Variants in NECTIN1 observed in about 807,000 individuals in gnomAD.
NECTIN1 encodes nectin-1.
A neutral mutation model predicts 48.0 loss-of-function variants in NECTIN1; 23 were observed. That is an observed-to-expected ratio of 0.48 (90% CI 0.34 to 0.68). The LOEUF is 0.68. Ranked by LOEUF, NECTIN1 falls within the 30% of genes least tolerant of loss-of-function variation. NECTIN1 has a pLI of 0.01. For missense variants in NECTIN1, 591 were observed against 709.9 expected (o/e 0.83, Z 1.90); for synonymous variants, 270 against 288.9 (o/e 0.93, Z 0.66).
chr11:119,662,574 G>T lies in NECTIN1; in HGVS notation c.*2173C>A. On this transcript the variant is annotated 3_prime_UTR_variant, in exon 6 of 6. Transcript: ENST00000264025. This position sits in a 1 kb window ranked among gnomAD's most constrained non-coding sequence, Gnocchi z 5.3. Reference sequence around the variant, plus strand: ...GAGGGTGGCAGTGCAGGATAAAGGAGATGCAGGAGGAGACAGGGACAGGAA... The same window carrying T: ...GAGGGTGGCAGTGCAGGATAAAGGATATGCAGGAGGAGACAGGGACAGGAA... 2 of 985,770 alleles carry T rather than the reference G, an allele frequency of 2.0e-6. No homozygotes were observed. The highest frequency in any genetic ancestry group is 1.0e-3 in the Middle Eastern group (2 of 1,914). The allele number at this position is 985,770 out of a possible 1,614,324, so 61.1% of individuals were successfully genotyped here. A position where few individuals can be genotyped will look rare whatever the true frequency, so the allele number is the denominator to read the frequency against.
chr11:119,665,101 G>A lies in NECTIN1; in HGVS notation c.1200C>T (p.Tyr400=), dbSNP rs1374370748. ...STKKHVYGNG[Y]SKAGIPQHHP... is the part of the protein sequence containing the mutation. ...GGTGCTGGGGGATGCCTGCCTTGCT[G>A]TAGCCGTTGCCATACACGTGCTTCT... Residue 400 remains tyrosine (Y), a synonymous_variant, in exon 6 of 6, where the codon TAC becomes TAT. Transcript: ENST00000264025. The surrounding 1 kb of genome is among the most constrained non-coding windows in gnomAD (Gnocchi z 5.1). 2 of 1,614,070 alleles carry A rather than the reference G, an allele frequency of 1.2e-6. No homozygotes were observed. Among genetic ancestry groups the A allele is most frequent in the African/African-American group, 1.3e-5 (1 of 75,024 alleles).
At chr11:119,708,858 A>C (rs1201432450) in intron 1 of NECTIN1, among the ~76,000 whole-genome samples, 1 of 152,114 alleles carries the variant, frequency 6.6e-6, no homozygotes, top group Non-Finnish European at 1.5e-5. Flanking sequence ...AGGCTACCAG[A>C]AGACCTCTGC....
Position 119,677,072 on chromosome 11 carries a change from A to G in NECTIN1, c.851+30T>C, listed in dbSNP as rs1334567470. The G allele has an allele frequency of 6.3e-7, 1 of 1,585,348 alleles. No homozygotes were observed. Among genetic ancestry groups the G allele is most frequent in the Non-Finnish European group, 8.7e-7 (1 of 1,153,864 alleles). ...CCCGTGGTCCAGTCAGCTGTCTTCCAAGGTGACTGGTCAGCCCTGCAGCAC... is the reference window on the plus strand; with the variant it reads ...CCCGTGGTCCAGTCAGCTGTCTTCCGAGGTGACTGGTCAGCCCTGCAGCAC... On this transcript the variant is annotated intron_variant, in intron 4 of 5. Coordinates refer to ENST00000264025, the MANE Select transcript of NECTIN1 (RefSeq NM_002855.5). This position sits in a 1 kb window ranked among gnomAD's most constrained non-coding sequence, Gnocchi z 5.4.
rs1009809448 is a variant in NECTIN1 at position 119,677,463 on chromosome 11, C to T, written c.733+92G>A. On this transcript the variant is annotated intron_variant, in intron 3 of 5. Transcript: ENST00000264025. This position sits in a 1 kb window ranked among gnomAD's most constrained non-coding sequence, Gnocchi z 5.4. ...GACAGGAGGGGAGAAGAAAGCACCC[C>T]CAGAAAGAGAAAGGGAGGAGAAAGG... The T allele has an allele frequency of 2.8e-6, 4 of 1,446,828 alleles. No homozygotes were observed. Among genetic ancestry groups the T allele is most frequent in the Non-Finnish European group, 3.9e-6 (4 of 1,033,412 alleles). 89.6% of individuals were successfully genotyped at this position (1,446,828 alleles called of 1,614,324 possible).
chr11:119,662,099 A>C lies in NECTIN1; in HGVS notation c.*2648T>G. On this transcript the variant is annotated 3_prime_UTR_variant, in exon 6 of 6. Transcript: ENST00000264025. The surrounding 1 kb of genome is among the most constrained non-coding windows in gnomAD (Gnocchi z 5.3). ...GACAGGGAGGGCAACAAGAGGCAGG[A>C]TGACAACTGGGGAGGCCTTGGCACA... 1 of 985,542 alleles carries C rather than the reference A, an allele frequency of 1.0e-6. No homozygotes were observed. Among genetic ancestry groups the C allele is most frequent in the African/African-American group, 1.7e-5 (1 of 57,356 alleles). The allele number at this position is 985,542 out of a possible 1,614,324, so 61.0% of individuals were successfully genotyped here.
At chr11:119,651,473 T>C (rs1425334848) in intron 5 of NECTIN1, among the ~76,000 whole-genome samples, 1 of 152,140 alleles carries the variant, frequency 6.6e-6, no homozygotes, top group Non-Finnish European at 1.5e-5. Context: ...TTAAGTGGGC[T>C]GTCGGAGGAG....
chr11:119,685,706 C>T (rs931391071), intron 1 of NECTIN1, among the ~76,000 whole-genome samples: 1 of 152,212 alleles, frequency 6.6e-6, no homozygotes, highest in Non-Finnish European at 1.5e-5. Context: ...AACACAGAGC[C>T]TCTCTCTTGG....
intron 1 of NECTIN1, among the ~76,000 whole-genome samples, chr11:119,723,894 C>T (rs948593446): frequency 3.3e-5 from 5 of 152,304 alleles, no homozygotes; most frequent in Admixed American, 1.3e-4. Flanking sequence ...CTGTGGACAG[C>T]GGTGGGCATC....
intron 1 of NECTIN1, among the ~76,000 whole-genome samples, chr11:119,712,032 CA>C (rs1865657765): frequency 6.6e-6 from 1 of 152,128 alleles, no homozygotes; most frequent in Non-Finnish European, 1.5e-5. Context: ...CGGTGCACAG[CA>C]GAACTGGGCT....
intron 1 of NECTIN1, among the ~76,000 whole-genome samples, chr11:119,680,963 A>G (rs974545703): frequency 3.3e-5 from 5 of 151,804 alleles, no homozygotes; most frequent in African/African-American, 9.7e-5. Context: ...GTGGCCAGTC[A>G]CCTCCCCTTT....
At chr11:119,640,309 A>G in intron 5 of NECTIN1, 2 of 458,666 alleles carry the variant, frequency 4.4e-6, no homozygotes, top group South Asian at 5.0e-5. Flanking sequence ...AGGTGCTGAG[A>G]TGGGGTCCCC....
At chr11:119,648,594 C>A (rs185413041) in intron 5 of NECTIN1, among the ~76,000 whole-genome samples, 2 of 151,386 alleles carry the variant, frequency 1.3e-5, no homozygotes, top group Non-Finnish European at 2.9e-5. Context: ...TCTGTAGAAA[C>A]GAAACATCAC....
At chr11:119,671,299 A>T (rs1425105046) in intron 5 of NECTIN1, among the ~76,000 whole-genome samples, 2 of 151,968 alleles carry the variant, frequency 1.3e-5, no homozygotes, top group African/African-American at 4.8e-5. Flanking sequence ...CCGCAGGGTC[A>T]TTTGTGTTTG....
In NECTIN1 at chr11:119,677,934, T is replaced by C. The variant is rs1303419944; in HGVS notation, c.431-77A>G. Reference sequence around the variant, plus strand: ...ATGCACCGGCCAAAAGGGCGTGGCATCCGTCAGGCCTTGTCTTCAGGTCCC... The same window carrying C: ...ATGCACCGGCCAAAAGGGCGTGGCACCCGTCAGGCCTTGTCTTCAGGTCCC... On this transcript the variant is annotated intron_variant, in intron 2 of 5. Transcript: ENST00000264025. This position sits in a 1 kb window ranked among gnomAD's most constrained non-coding sequence, Gnocchi z 5.4. The C allele has an allele frequency of 8.2e-6, 12 of 1,459,020 alleles. No homozygotes were observed. Among genetic ancestry groups the C allele is most frequent in the East Asian group, 2.3e-5 (1 of 43,512 alleles). 90.4% of individuals were successfully genotyped at this position (1,459,020 alleles called of 1,614,324 possible). A position where few individuals can be genotyped will look rare whatever the true frequency, so the allele number is the denominator to read the frequency against.
chr11:119,683,079 C>T lies in NECTIN1; in HGVS notation c.80-4314G>A, dbSNP rs1032529916. 2.0e-5 allele frequency among the ~76,000 whole-genome samples: 3 copies of T among 152,202 alleles called. No homozygotes were observed. In the South Asian group the frequency reaches 6.2e-4, roughly 32 times the overall value. The stretch of plus-strand genomic sequence containing the variant: ...GCCTTGGGTTGAGTTGACCATGTCA[C>T]GCCTGCCACTGGCAGGGTCCAGGGC... On this transcript the variant is annotated intron_variant, in intron 1 of 5. Transcript: ENST00000264025. This position sits in a 1 kb window ranked among gnomAD's most constrained non-coding sequence, Gnocchi z 4.0.
chr11:119,647,161 ATGTGTGTGTG>A (rs58590467), intron 5 of NECTIN1, among the ~76,000 whole-genome samples: 1,266 of 84,740 alleles, frequency 0.015, 18 homozygotes, highest in African/African-American at 0.038. Context: ...CTTGCGGCGC[ATGTGTGTGTG>A]TGTGTGTGTG....
chr11:119,703,680 G>A (rs1037243930), intron 1 of NECTIN1, among the ~76,000 whole-genome samples: 2 of 152,226 alleles, frequency 1.3e-5, no homozygotes, highest in Admixed American at 6.5e-5. Context: ...TTTCATGAAA[G>A]CACACCTGGC....
At chr11:119,691,075 G>A (rs899523688) in intron 1 of NECTIN1, among the ~76,000 whole-genome samples, 12 of 152,230 alleles carry the variant, frequency 7.9e-5, no homozygotes, top group African/African-American at 2.9e-4. Context: ...AACTCAATGT[G>A]CTTGCCCCAG....
At chr11:119,695,910 T>C (rs1865334569) in intron 1 of NECTIN1, among the ~76,000 whole-genome samples, 1 of 152,138 alleles carries the variant, frequency 6.6e-6, no homozygotes, top group African/African-American at 2.4e-5. Context: ...CTACCTATTT[T>C]GTAGATGTTG....
Sources: allele counts gnomAD v4.1 joint callset (sites outside exome capture counted in the v4.1 genomes callset), GRCh38; gene constraint gnomAD v4.1.1; non-coding constraint Gnocchi (gnomAD v3.1); transcripts MANE v1.5; gene names NCBI Gene and HGNC (gene_info 2026-07-23, HGNC 2026-07-21).